Variants in SPOCK3 observed in about 807,000 individuals in gnomAD.
SPOCK3 encodes testican-3.
In SPOCK3, 30 loss-of-function variants were observed where a neutral mutation model predicts 56.6. The ratio of observed to expected loss-of-function variants is 0.53; its 90% CI spans 0.40 to 0.72. The LOEUF is 0.72. Ranked by LOEUF, SPOCK3 falls within the 30% of genes least tolerant of loss-of-function variation. The probability of loss-of-function intolerance (pLI) is 0.00; values close to 1 mark genes in which losing one functional copy is unlikely to be tolerated. For synonymous variants in SPOCK3, 196 were observed against 183.3 expected (o/e 1.07, Z -0.56); for missense variants, 527 against 530.0 (o/e 0.99, Z 0.06).
intron 3 of SPOCK3, among the ~76,000 whole-genome samples, chr4:167,011,760 A>G (rs971684243): frequency 6.6e-6 from 1 of 152,076 alleles, no homozygotes; most frequent in Non-Finnish European, 1.5e-5. Flanking sequence ...TATTGCTTTT[A>G]TTGAATTCAG....
chr4:166,953,474 T>G (rs1296292568), intron 4 of SPOCK3, among the ~76,000 whole-genome samples: 2 of 151,418 alleles, frequency 1.3e-5, no homozygotes, highest in Non-Finnish European at 3.0e-5. Context: ...GGAACACTTT[T>G]ACACTGTTGG....
chr4:166,818,948 C>A (rs186942242), intron 6 of SPOCK3, among the ~76,000 whole-genome samples: 1 of 152,064 alleles, frequency 6.6e-6, no homozygotes, highest in Admixed American at 6.6e-5. Flanking sequence ...TAATTTGAGA[C>A]ATAAAAGTCT....
chr4:166,794,831 C>T (rs887260609), intron 6 of SPOCK3, among the ~76,000 whole-genome samples: 8 of 151,704 alleles, frequency 5.3e-5, no homozygotes, highest in African/African-American at 1.5e-4. Flanking sequence ...TTAGTAGAGA[C>T]GGGGTTTCAC....
intron 4 of SPOCK3, among the ~76,000 whole-genome samples, chr4:166,921,021 C>T (rs1372142092): frequency 1.3e-5 from 2 of 152,134 alleles, no homozygotes; most frequent in Non-Finnish European, 2.9e-5. Context: ...CATTGCCTTT[C>T]TCCTAGCTTA....
At chr4:167,093,513 A>G (rs10019197) in intron 2 of SPOCK3, among the ~76,000 whole-genome samples, 6,015 of 151,682 alleles carry the variant, frequency 0.04, 158 homozygotes, top group Middle Eastern at 0.078. Context: ...TCATTGTTCA[A>G]CTCCCACTTA....
chr4:167,210,645 AATGAT>A (rs1345197673), intron 2 of SPOCK3, among the ~76,000 whole-genome samples: 1 of 152,170 alleles, frequency 6.6e-6, no homozygotes, highest in Non-Finnish European at 1.5e-5. Flanking sequence ...TTGTTTTTGA[AATGAT>A]ATATTTTAGC....
rs996586967 is a variant in SPOCK3, at chr4:166,922,522, C to T, written c.351-9779G>A. The stretch of plus-strand genomic sequence containing the variant: ...TATATAGTCATCTTTCCTATTTAAC[C>T]CAATTTATACTCACACTCCCCTAAT... On this transcript the variant is annotated intron_variant, in intron 4 of 10. Transcript: ENST00000357545. Among the ~76,000 whole-genome samples, 15 of 152,078 alleles carry T rather than the reference C, an allele frequency of 9.9e-5. 1 individual carries two copies. Among genetic ancestry groups the T allele is most frequent in the Non-Finnish European group, 2.2e-4 (15 of 68,022 alleles).
chr4:166,934,417 G>A (rs949056914), intron 4 of SPOCK3, among the ~76,000 whole-genome samples: 19 of 151,936 alleles, frequency 1.3e-4, no homozygotes, highest in Admixed American at 7.9e-4. Flanking sequence ...AGAATGGCGA[G>A]AACCCGGGAG....
chr4:167,118,336 T>C (rs557976481), intron 2 of SPOCK3, among the ~76,000 whole-genome samples: 72 of 152,290 alleles, frequency 4.7e-4, no homozygotes, highest in Admixed American at 9.2e-4. Flanking sequence ...AAATCCAGTG[T>C]AATTATTTCC....
At chr4:167,000,828 C>A (rs1396118937) in intron 3 of SPOCK3, among the ~76,000 whole-genome samples, 3 of 152,114 alleles carry the variant, frequency 2.0e-5, no homozygotes, top group Non-Finnish European at 4.4e-5. Context: ...AAACTGCAAT[C>A]TATACCCTTG....
chr4:167,127,197 G>A (rs1232702860), intron 2 of SPOCK3, among the ~76,000 whole-genome samples: 1 of 152,076 alleles, frequency 6.6e-6, no homozygotes, highest in Non-Finnish European at 1.5e-5. Flanking sequence ...TCAAAATCAA[G>A]TATTAGTACT....
At chr4:166,958,583 C>T (rs1321023926) in intron 4 of SPOCK3, among the ~76,000 whole-genome samples, 9 of 152,090 alleles carry the variant, frequency 5.9e-5, no homozygotes, top group African/African-American at 1.7e-4. Flanking sequence ...ATCCTTTTCT[C>T]CTATTACCTT....
intron 2 of SPOCK3, among the ~76,000 whole-genome samples, chr4:167,198,568 T>C (rs767085245): frequency 1.3e-5 from 2 of 152,166 alleles, no homozygotes; most frequent in Non-Finnish European, 2.9e-5. Context: ...CAATCTACAA[T>C]TGGGATATTG....
At chr4:166,835,472 G>C (rs1746512833) in intron 6 of SPOCK3, among the ~76,000 whole-genome samples, 1 of 152,028 alleles carries the variant, frequency 6.6e-6, no homozygotes, top group Admixed American at 6.6e-5. Flanking sequence ...TCAAAAAAAG[G>C]CTGAAAGGGA....
At chr4:166,948,345 A>G (rs1742047114) in intron 4 of SPOCK3, among the ~76,000 whole-genome samples, 1 of 151,980 alleles carries the variant, frequency 6.6e-6, no homozygotes. Context: ...ACTTTTATTT[A>G]CTGATTGCAT....
chr4:167,070,297 G>A (rs1445674181), intron 2 of SPOCK3, among the ~76,000 whole-genome samples: 11 of 151,816 alleles, frequency 7.2e-5, no homozygotes, highest in Non-Finnish European at 1.0e-4. Context: ...AAATGGCAGG[G>A]AGACCCCTGA....
At chr4:166,968,211 A>G (rs551920803) in intron 4 of SPOCK3, among the ~76,000 whole-genome samples, 2 of 152,336 alleles carry the variant, frequency 1.3e-5, no homozygotes, top group South Asian at 2.1e-4. Context: ...GCAGAGCATA[A>G]AAGTTTGGAA....
At chr4:166,965,238 G>C (rs1023498418) in intron 4 of SPOCK3, among the ~76,000 whole-genome samples, 1 of 151,914 alleles carries the variant, frequency 6.6e-6, no homozygotes, top group Non-Finnish European at 1.5e-5. Context: ...CTGGGTAATA[G>C]TGCATTTCCA....
intron 2 of SPOCK3, among the ~76,000 whole-genome samples, chr4:167,196,520 T>TC (rs1438424822): frequency 4.6e-5 from 7 of 152,032 alleles, no homozygotes; most frequent in African/African-American, 1.2e-4. Flanking sequence ...TTTCTTTCTT[T>TC]TTTTTTTACA....
Sources: gnomAD v4.1 joint callset for allele counts (sites outside exome capture counted in the v4.1 genomes callset) on GRCh38, gnomAD v4.1.1 for gene constraint, MANE v1.5 for transcripts, NCBI Gene and HGNC (gene_info 2026-07-23, HGNC 2026-07-21) for gene names.